Variants in PARVB observed in about 807,000 individuals in gnomAD.
The protein encoded by PARVB is parvin beta.
In PARVB, 46 loss-of-function variants were observed where a neutral mutation model predicts 47.0. The ratio of observed to expected loss-of-function variants is 0.98; its 90% CI spans 0.77 to 1.25. PARVB has a LOEUF of 1.25. Ranked by LOEUF, PARVB falls within the 50% of genes most tolerant of loss-of-function variation. The pLI is 0.00. For synonymous variants in PARVB, 196 were observed against 196.3 expected (o/e 1.00, Z 0.01); for missense variants, 473 against 471.6 (o/e 1.00, Z -0.03).
At chr22:44,092,598 C>T (rs572326418) in intron 1 of PARVB, among the ~76,000 whole-genome samples, 1 of 152,150 alleles carries the variant, frequency 6.6e-6, no homozygotes, top group Non-Finnish European at 1.5e-5. Flanking sequence ...GGTCCACAGA[C>T]GTGTCCCAAG....
chr22:44,132,810 T>C (rs2053357166), intron 5 of PARVB, 84 bp from the exon 6 acceptor site: 1 of 830,780 alleles, frequency 1.2e-6, no homozygotes, highest in African/African-American at 1.7e-5. Context: ...ATTTAGATGC[T>C]GTGTCTCTGT....
chr22:44,035,777 G>A (rs1026755459), intron 1 of PARVB, among the ~76,000 whole-genome samples: 7 of 151,920 alleles, frequency 4.6e-5, no homozygotes, highest in African/African-American at 1.7e-4. Context: ...TGAAAAATAC[G>A]TGGGAACCCA....
At chr22:44,167,732 C>A (rs545291640) in intron 12 of PARVB, among the ~76,000 whole-genome samples, 62 of 69,906 alleles carry the variant, frequency 8.9e-4, no homozygotes, top group African/African-American at 2.6e-3. Context: ...AGTTCCCCGA[C>A]AGAGCCCCGG....
intron 4 of PARVB, among the ~76,000 whole-genome samples, chr22:44,121,453 G>A (rs1014003885): frequency 6.6e-6 from 1 of 152,048 alleles, no homozygotes; most frequent in African/African-American, 2.4e-5. Context: ...ATATTATGCT[G>A]GAGGTTGCAA....
At chr22:44,098,770 T>C (rs2052370073) in intron 2 of PARVB, among the ~76,000 whole-genome samples, 1 of 152,228 alleles carries the variant, frequency 6.6e-6, no homozygotes, top group Admixed American at 6.5e-5. Context: ...ATCACATCCG[T>C]GTCAGCAGCA....
chr22:44,014,646 T>TTA (rs2050557659), intron 2 of PARVB, among the ~76,000 whole-genome samples: 1 of 152,210 alleles, frequency 6.6e-6, no homozygotes, highest in Admixed American at 6.5e-5. Flanking sequence ...GAAAGTAGTT[T>TTA]TAGTGAGATT....
chr22:44,139,894 G>A (rs2053516290), intron 7 of PARVB: 1 of 564,066 alleles, frequency 1.8e-6, no homozygotes, highest in East Asian at 2.9e-5. Flanking sequence ...ATGGTGATTT[G>A]CTGCTGACCT....
chr22:44,145,419 A>G lies in PARVB; in HGVS notation c.713-2442A>G, dbSNP rs9614350. On this transcript the variant is annotated intron_variant, in intron 8 of 12. Coordinates refer to ENST00000338758, the MANE Select transcript of PARVB (RefSeq NM_013327.5). ...CTGGGGAGGCCCCTGGGTTACCCCAAGACAGGTGGGAGGAGCTTCCTACCC... is the reference window on the plus strand; with the variant it reads ...CTGGGGAGGCCCCTGGGTTACCCCAGGACAGGTGGGAGGAGCTTCCTACCC... 713 of 152,248 alleles carry G rather than the reference A, an allele frequency of 4.7e-3. 7 individuals are homozygous for G. Among genetic ancestry groups the G allele is most frequent in the Non-Finnish European group, 7.4e-3 (506 of 68,066 alleles). The allele number at this position is 152,248 out of a possible 1,614,324, so 9.4% of individuals were successfully genotyped here. A position where few individuals can be genotyped will look rare whatever the true frequency, so the allele number is the denominator to read the frequency against.
intron 4 of PARVB, among the ~76,000 whole-genome samples, chr22:44,121,055 A>T (rs970718114): frequency 1.3e-5 from 2 of 152,042 alleles, no homozygotes; most frequent in African/African-American, 4.8e-5. Flanking sequence ...GTTGGCCAGG[A>T]TGGTCTTGAT....
At chr22:44,060,561 T>C (rs2051400219) in intron 1 of PARVB, among the ~76,000 whole-genome samples, 1 of 152,042 alleles carries the variant, frequency 6.6e-6, no homozygotes, top group South Asian at 2.1e-4. Context: ...TTATACCTGA[T>C]GGGACTTAAC....
chr22:44,064,047 C>T (rs1295229400), intron 1 of PARVB, among the ~76,000 whole-genome samples: 1 of 152,214 alleles, frequency 6.6e-6, no homozygotes, highest in Non-Finnish European at 1.5e-5. Flanking sequence ...CTGTCTCATG[C>T]CCTGCCATGC....
chr22:44,055,346 T>C (rs1184426607), intron 1 of PARVB, among the ~76,000 whole-genome samples: 1 of 150,828 alleles, frequency 6.6e-6, no homozygotes, highest in East Asian at 1.9e-4. Flanking sequence ...TCTCTCTGTC[T>C]CTTTTTTTTT....
intron 2 of PARVB, among the ~76,000 whole-genome samples, chr22:44,005,304 G>A (rs1230525501): frequency 6.6e-6 from 1 of 150,520 alleles, no homozygotes. Context: ...GTAGAGACAG[G>A]GTGTTGCTAT....
chr22:44,102,360 TGGGCACCCCA>T (rs1200546829), intron 3 of PARVB, among the ~76,000 whole-genome samples: 10 of 152,364 alleles, frequency 6.6e-5, no homozygotes, highest in African/African-American at 2.4e-4. Flanking sequence ...ATTGGCTATC[TGGGCACCCCA>T]GAGCCCAGGC....
At chr22:44,076,180 T>C (rs538666241) in intron 1 of PARVB, among the ~76,000 whole-genome samples, 3 of 152,326 alleles carry the variant, frequency 2.0e-5, no homozygotes, top group African/African-American at 7.2e-5. Flanking sequence ...GAGGTGGCCC[T>C]CTCAGAAAGA....
At chr22:44,078,528 A>T (rs12628174) in intron 1 of PARVB, among the ~76,000 whole-genome samples, 1 of 151,982 alleles carries the variant, frequency 6.6e-6, no homozygotes, top group Non-Finnish European at 1.5e-5. Flanking sequence ...TCTTGTAAGG[A>T]CCCTGTCAAT....
chr22:44,026,476 G>A (rs2050731402), intron 1 of PARVB: 3 of 397,998 alleles, frequency 7.5e-6, no homozygotes, highest in Non-Finnish European at 1.0e-5. Context: ...TGAGGGACAG[G>A]CTGGATTGGG....
At chr22:44,012,658 A>G (rs374960183) in intron 2 of PARVB, among the ~76,000 whole-genome samples, 2 of 152,304 alleles carry the variant, frequency 1.3e-5, no homozygotes, top group East Asian at 1.9e-4. Flanking sequence ...CATCAATTAA[A>G]TATTTCCATC....
chr22:44,051,033 A>G (rs1311484877), intron 1 of PARVB, among the ~76,000 whole-genome samples: 1 of 152,096 alleles, frequency 6.6e-6, no homozygotes, highest in Non-Finnish European at 1.5e-5. Flanking sequence ...ATCTCCTAAG[A>G]GAGTCTCGGG....
Sources: gnomAD v4.1 joint callset for allele counts (sites outside exome capture counted in the v4.1 genomes callset) on GRCh38, gnomAD v4.1.1 for gene constraint, MANE v1.5 for transcripts, NCBI Gene and HGNC (gene_info 2026-07-23, HGNC 2026-07-21) for gene names.